Variants in GRIA1 observed in about 807,000 individuals in gnomAD.
GRIA1 encodes the protein glutamate ionotropic receptor AMPA type subunit 1.
A neutral mutation model predicts 99.2 loss-of-function variants in GRIA1; 31 were observed. The observed-to-expected ratio is 0.31, with a 90% CI of 0.23 to 0.42. The LOEUF (loss-of-function observed/expected upper bound fraction) is 0.42, where lower values mean the gene tolerates loss of function less well. Ranked by LOEUF, GRIA1 falls within the 10% of genes least tolerant of loss-of-function variation. The pLI is 1.00. For missense variants in GRIA1, 782 were observed against 1,157.5 expected (o/e 0.68, Z 4.71); for synonymous variants, 438 against 432.4 (o/e 1.01, Z -0.16).
intron 11 of GRIA1, among the ~76,000 whole-genome samples, chr5:153,744,753 A>G (rs774501561): frequency 6.6e-6 from 1 of 152,192 alleles, no homozygotes; most frequent in Non-Finnish European, 1.5e-5. Flanking sequence ...CACTCAACAA[A>G]TATTGAGACT....
intron 2 of GRIA1, among the ~76,000 whole-genome samples, chr5:153,606,546 A>G (rs1765453471): frequency 6.6e-6 from 1 of 151,958 alleles, no homozygotes; most frequent in Non-Finnish European, 1.5e-5. Context: ...TATTGCTTCA[A>G]TTATTAAGAT....
At chr5:153,772,664 G>A (rs1268298979) in intron 13 of GRIA1, among the ~76,000 whole-genome samples, 1 of 152,126 alleles carries the variant, frequency 6.6e-6, no homozygotes, top group Non-Finnish European at 1.5e-5. Flanking sequence ...GTTTTTGCCT[G>A]GTTGAATCTA....
chr5:153,697,652 A>G (rs1015699801), intron 8 of GRIA1, among the ~76,000 whole-genome samples: 4 of 152,232 alleles, frequency 2.6e-5, no homozygotes, highest in African/African-American at 9.6e-5. Context: ...ACTATAGTTC[A>G]GAATGAGTTC....
At chr5:153,623,792 G>A (rs1767301017) in intron 2 of GRIA1, among the ~76,000 whole-genome samples, 1 of 152,120 alleles carries the variant, frequency 6.6e-6, no homozygotes, top group African/African-American at 2.4e-5. Context: ...TGAATAGTTG[G>A]GAAGTGATAT....
intron 11 of GRIA1, among the ~76,000 whole-genome samples, chr5:153,719,718 C>G (rs1402303043): frequency 6.6e-6 from 1 of 152,098 alleles, no homozygotes; most frequent in Non-Finnish European, 1.5e-5. Context: ...ATAGATTCCA[C>G]CTTTCAGTAA....
chr5:153,665,714 G>T (rs537780967), intron 5 of GRIA1, among the ~76,000 whole-genome samples: 2 of 152,260 alleles, frequency 1.3e-5, no homozygotes, highest in Non-Finnish European at 2.9e-5. Flanking sequence ...TGGCTCAGAA[G>T]TTTCCAAACT....
chr5:153,798,092 ATCT>A (rs1281020870), intron 14 of GRIA1, among the ~76,000 whole-genome samples: 13 of 152,270 alleles, frequency 8.5e-5, no homozygotes, highest in Non-Finnish European at 1.8e-4. Context: ...TGACCTTGTC[ATCT>A]TCTTCCTGAA....
chr5:153,632,729 G>A lies in GRIA1; in HGVS notation c.221-14199G>A, dbSNP rs1489683195. On this transcript the variant is annotated intron_variant, in intron 2 of 15. Coordinates refer to ENST00000285900, the MANE Select transcript of GRIA1 (RefSeq NM_000827.4). ...CGTTATTGAACATCTACTATGTCAG[G>A]GTCAGGGACAGGCCCTGAGACTTTT... 1.3e-5 allele frequency among the ~76,000 whole-genome samples: 2 copies of A among 152,108 alleles called. 1 individual carries two copies. Among genetic ancestry groups the A allele is most frequent in the South Asian group, 4.2e-4 (2 of 4,814 alleles).
At chr5:153,593,526 G>T (rs1203693128) in intron 2 of GRIA1, among the ~76,000 whole-genome samples, 1 of 152,116 alleles carries the variant, frequency 6.6e-6, no homozygotes, top group Non-Finnish European at 1.5e-5. Flanking sequence ...AAGCCAAATA[G>T]CACACTCTTA....
chr5:153,567,230 G>A (rs1761719020), intron 2 of GRIA1, among the ~76,000 whole-genome samples: 1 of 152,170 alleles, frequency 6.6e-6, no homozygotes, highest in Admixed American at 6.5e-5. Context: ...TCAGTGAATA[G>A]GATAGAACAA....
At chr5:153,592,951 C>CTT (rs1764099651) in intron 2 of GRIA1, among the ~76,000 whole-genome samples, 1 of 152,104 alleles carries the variant, frequency 6.6e-6, no homozygotes, top group African/African-American at 2.4e-5. Flanking sequence ...TCATGGGGCT[C>CTT]CACCCTCGTG....
chr5:153,565,975 T>C (rs1450377253), intron 2 of GRIA1, among the ~76,000 whole-genome samples: 1 of 152,202 alleles, frequency 6.6e-6, no homozygotes, highest in African/African-American at 2.4e-5. Flanking sequence ...TTTTCATTTT[T>C]CTTGAGTGTG....
chr5:153,700,548 G>C (rs1758440944), intron 10 of GRIA1, among the ~76,000 whole-genome samples: 1 of 152,144 alleles, frequency 6.6e-6, no homozygotes, highest in East Asian at 1.9e-4. Context: ...ATACATATGA[G>C]TAAAAAATAG....
intron 2 of GRIA1, among the ~76,000 whole-genome samples, chr5:153,516,097 G>C (rs1042750840): frequency 2.6e-5 from 4 of 152,080 alleles, no homozygotes; most frequent in Middle Eastern, 3.2e-3. Flanking sequence ...GCGGGCGCCT[G>C]TAATCCCAGC....
intron 14 of GRIA1, among the ~76,000 whole-genome samples, chr5:153,801,249 G>A (rs182926097): frequency 6.6e-6 from 1 of 150,536 alleles, no homozygotes; most frequent in East Asian, 2.0e-4. Context: ...CTCCACTGGA[G>A]GTGACAGAAC....
chr5:153,720,858 A>C (rs1463884034), intron 11 of GRIA1, among the ~76,000 whole-genome samples: 1 of 152,238 alleles, frequency 6.6e-6, no homozygotes, highest in Non-Finnish European at 1.5e-5. Context: ...ACATAGAAAT[A>C]AGGAACACCA....
In GRIA1 at chr5:153,503,333, C is replaced by T. The variant is rs182978159; in HGVS notation, c.220+9268C>T. Among the ~76,000 whole-genome samples the T allele has an allele frequency of 5.9e-5, 9 of 152,240 alleles. No individual in the cohort carries two copies. In the East Asian group the frequency reaches 1.7e-3, roughly 29 times the overall value. On this transcript the variant is annotated intron_variant, in intron 2 of 15. Coordinates refer to ENST00000285900, the MANE Select transcript of GRIA1 (RefSeq NM_000827.4). ...TGACTTGCTGTGTAACCTTGAAAAGCTTTTATATCCAGTTTAGTTTCCAGA... is the reference window on the plus strand; with the variant it reads ...TGACTTGCTGTGTAACCTTGAAAAGTTTTTATATCCAGTTTAGTTTCCAGA...
chr5:153,702,495 G>A (rs1758598444), intron 10 of GRIA1, among the ~76,000 whole-genome samples: 1 of 152,184 alleles, frequency 6.6e-6, no homozygotes, highest in African/African-American at 2.4e-5. Context: ...CTCCATTTCT[G>A]ATAGTTTTAT....
chr5:153,803,451 A>T lies in GRIA1; in HGVS notation c.2520+961A>T, dbSNP rs181236087. Among the ~76,000 whole-genome samples, 23 of 152,324 alleles carry T rather than the reference A, an allele frequency of 1.5e-4. No homozygotes were observed. In the South Asian group the frequency reaches 2.7e-3, roughly 18 times the overall value. On this transcript the variant is annotated intron_variant, in intron 15 of 15. Coordinates refer to ENST00000285900, the MANE Select transcript of GRIA1 (RefSeq NM_000827.4). ...AGAGAGGAGGGAGGTGCATTCTATG[A>T]TCTCCAGCACCTTTCACCTTCCACA...
Sources: gnomAD v4.1 joint callset for allele counts (sites outside exome capture counted in the v4.1 genomes callset) on GRCh38, gnomAD v4.1.1 for gene constraint, MANE v1.5 for transcripts, NCBI Gene and HGNC (gene_info 2026-07-23, HGNC 2026-07-21) for gene names.